The following CSMD1 variants were observed in gnomAD, a reference collection of about 807,000 sequenced individuals.
CSMD1 encodes CUB and sushi domain-containing protein 1.
Under a neutral mutation model 417.5 loss-of-function variants are expected in CSMD1, and 213 were observed. That is an observed-to-expected ratio of 0.51 (90% confidence interval 0.46 to 0.57). The LOEUF (loss-of-function observed/expected upper bound fraction) is 0.57. CSMD1 is among the 20% of genes least tolerant of loss of function. The probability of loss-of-function intolerance (pLI) is 0.00; values close to 1 mark genes in which losing one functional copy is unlikely to be tolerated. For missense variants in CSMD1, 6,923 were observed against 4,529.7 expected, an observed-to-expected ratio of 1.53 and a Z score of -15.17; for synonymous variants, 2,862 against 1,736.8, an observed-to-expected ratio of 1.65 and a Z score of -16.11.
chr8:3,803,669 C>A (rs995333499), intron 5 of CSMD1, among the ~76,000 whole-genome samples: 1 of 152,142 alleles, frequency 6.6e-6, no homozygotes, highest in African/African-American at 2.4e-5. Flanking sequence ...GCCAGAGTGG[C>A]ACCACGCAGA....
intron 26 of CSMD1, among the ~76,000 whole-genome samples, chr8:3,233,803 C>A (rs1444814087): frequency 1.3e-5 from 2 of 152,186 alleles, no homozygotes; most frequent in South Asian, 2.1e-4. Flanking sequence ...AAGGTACACC[C>A]ATCCAGAGGA....
intron 5 of CSMD1, among the ~76,000 whole-genome samples, chr8:3,971,082 G>A (rs1024925913): frequency 6.6e-6 from 1 of 152,166 alleles, no homozygotes. Context: ...TGGGGGAGCC[G>A]ATGTCTGATG....
chr8:3,432,717 T>C (rs1280756714), intron 12 of CSMD1, among the ~76,000 whole-genome samples: 2 of 152,152 alleles, frequency 1.3e-5, no homozygotes, highest in African/African-American at 2.4e-5. Flanking sequence ...GGTTTCACCA[T>C]GTTGGCCAGG....
chr8:3,493,250 G>A (rs181212736), intron 11 of CSMD1, among the ~76,000 whole-genome samples: 1 of 137,250 alleles, frequency 7.3e-6, no homozygotes, highest in Non-Finnish European at 1.5e-5. Flanking sequence ...GCCGAGATCT[G>A]ACCACTGCAC....
intron 10 of CSMD1, among the ~76,000 whole-genome samples, chr8:3,554,754 G>C (rs936013309): frequency 6.6e-6 from 1 of 152,198 alleles, no homozygotes; most frequent in African/African-American, 2.4e-5. Context: ...CAATACTTCA[G>C]AGCGGGGGAG....
chr8:3,644,735 T>A (rs1398244184), intron 7 of CSMD1, among the ~76,000 whole-genome samples: 1 of 151,796 alleles, frequency 6.6e-6, no homozygotes, highest in Non-Finnish European at 1.5e-5. Flanking sequence ...GTCAGGGGGG[T>A]GCAGTGCCAG....
intron 1 of CSMD1, among the ~76,000 whole-genome samples, chr8:4,894,030 TGATTTA>T (rs1433921177): frequency 2.2e-5 from 3 of 138,076 alleles, no homozygotes; most frequent in African/African-American, 8.1e-5. Flanking sequence ...ATTTTCTCTT[TGATTTA>T]TTTTGTTTAA....
At chr8:4,338,972 T>C (rs1377205265) in intron 3 of CSMD1, among the ~76,000 whole-genome samples, 1 of 152,088 alleles carries the variant, frequency 6.6e-6, no homozygotes, top group Admixed American at 6.6e-5. Context: ...ATACAGTCAA[T>C]GATCAGAAAA....
At chr8:4,103,231 A>G (rs1313305366) in intron 3 of CSMD1, among the ~76,000 whole-genome samples, 1 of 146,652 alleles carries the variant, frequency 6.8e-6, no homozygotes, top group Non-Finnish European at 1.5e-5. Flanking sequence ...TTATATACAT[A>G]TAAATCTATA....
At chr8:4,133,055 C>G (rs991217058) in intron 3 of CSMD1, among the ~76,000 whole-genome samples, 1 of 152,062 alleles carries the variant, frequency 6.6e-6, no homozygotes, top group South Asian at 2.1e-4. Flanking sequence ...TCTGCCTCAG[C>G]CTCTTGAGTA....
At position 4,310,389 on chromosome 8, in the gene CSMD1, C is replaced by A. The variant is rs1016969870; in HGVS notation, c.415+109564G>T. Among the ~76,000 whole-genome samples the A allele has an allele frequency of 2.6e-5, 4 of 152,168 alleles. No homozygotes were observed. In the South Asian group the frequency reaches 6.2e-4, roughly 24 times the overall value. On this transcript the variant is annotated intron_variant, in intron 3 of 69. Coordinates refer to ENST00000635120, the MANE Select transcript of CSMD1 (RefSeq NM_033225.6). ...CACAGACAGTGTTTCTCACAGCCTA[C>A]ATGATGCCCAGTCATTTAAACATTT...
At chr8:4,079,857 G>A (rs1015864674) in intron 3 of CSMD1, among the ~76,000 whole-genome samples, 6 of 152,136 alleles carry the variant, frequency 3.9e-5, no homozygotes, top group Admixed American at 3.9e-4. Context: ...TGTTTCTAAT[G>A]ACCCTTTGAA....
At chr8:3,912,945 G>A (rs370498636) in intron 5 of CSMD1, among the ~76,000 whole-genome samples, 1 of 152,146 alleles carries the variant, frequency 6.6e-6, no homozygotes, top group Non-Finnish European at 1.5e-5. Flanking sequence ...CACAGGGTGT[G>A]AACATGGATT....
chr8:3,514,060 C>G (rs1797187992), intron 10 of CSMD1, among the ~76,000 whole-genome samples: 1 of 152,242 alleles, frequency 6.6e-6, no homozygotes, highest in East Asian at 1.9e-4. Flanking sequence ...TAGGAACACC[C>G]TGTGTTCTTT....
At chr8:3,156,494 A>G (rs1012086768) in intron 39 of CSMD1, among the ~76,000 whole-genome samples, 1 of 152,060 alleles carries the variant, frequency 6.6e-6, no homozygotes, top group East Asian at 1.9e-4. Flanking sequence ...TATCATTACA[A>G]CTCTGCAGGA....
intron 3 of CSMD1, among the ~76,000 whole-genome samples, chr8:4,413,819 G>A (rs929488817): frequency 6.6e-5 from 10 of 152,146 alleles, no homozygotes; most frequent in Non-Finnish European, 1.5e-4. Flanking sequence ...TAACTAAGGT[G>A]AGGACCCTAC....
At chr8:4,770,335 T>A (rs1796536233) in intron 1 of CSMD1, among the ~76,000 whole-genome samples, 1 of 148,276 alleles carries the variant, frequency 6.7e-6, no homozygotes, top group African/African-American at 2.4e-5. Context: ...TACATAGAAA[T>A]ATATATATAA....
At chr8:4,028,057 C>G (rs563727516) in intron 4 of CSMD1, among the ~76,000 whole-genome samples, 1 of 151,932 alleles carries the variant, frequency 6.6e-6, no homozygotes, top group African/African-American at 2.4e-5. Flanking sequence ...GAGGCCACCA[C>G]TGTTTTGACA....
chr8:3,424,498 G>T (rs558303880), intron 12 of CSMD1, among the ~76,000 whole-genome samples: 4 of 152,220 alleles, frequency 2.6e-5, no homozygotes, highest in Admixed American at 2.6e-4. Flanking sequence ...TTGTCCCTTA[G>T]GTCATATAGA....
Sources: gnomAD v4.1 joint callset for allele counts (sites outside exome capture counted in the v4.1 genomes callset) on GRCh38, gnomAD v4.1.1 for gene constraint, MANE v1.5 for transcripts, NCBI Gene and HGNC (gene_info 2026-07-23, HGNC 2026-07-21) for gene names.